ADAMTSL1: variants seen among roughly 807,000 people sequenced by gnomAD.
ADAMTSL1 encodes ADAMTS-like protein 1.
A neutral mutation model predicts 201.8 loss-of-function variants in ADAMTSL1; 126 were observed. The observed-to-expected ratio is 0.62, with a 90% CI of 0.54 to 0.72. The LOEUF is 0.72. ADAMTSL1 is among the 30% of genes least tolerant of loss of function. The pLI, the probability that ADAMTSL1 is intolerant of heterozygous loss-of-function variation, is 0.00. For synonymous variants in ADAMTSL1, 1,121 were observed against 903.4 expected, an observed-to-expected ratio of 1.24 and a Z score of -4.32; for missense variants, 2,679 against 2,277.8, an observed-to-expected ratio of 1.18 and a Z score of -3.59.
intron 1 of ADAMTSL1, among the ~76,000 whole-genome samples, chr9:17,991,521 G>C (rs1819149455): frequency 6.6e-6 from 1 of 152,062 alleles, no homozygotes; most frequent in Non-Finnish European, 1.5e-5. Flanking sequence ...CTCAGACTCA[G>C]AAAAGGCTTT....
upstream of ADAMTSL1, among the ~76,000 whole-genome samples, chr9:18,472,640 C>T (rs751051685): frequency 1.3e-5 from 2 of 152,200 alleles, no homozygotes; most frequent in Admixed American, 1.3e-4. Flanking sequence ...TGTACATAGG[C>T]AGACCTGCCT....
intron 2 of ADAMTSL1, among the ~76,000 whole-genome samples, chr9:18,215,993 G>A (rs1041853246): frequency 1.3e-5 from 2 of 152,166 alleles, no homozygotes; most frequent in Non-Finnish European, 2.9e-5. Flanking sequence ...GATTAGGAAA[G>A]ATTCTGTGAA....
chr9:18,510,113 T>C (rs1817943566), intron 2 of ADAMTSL1, among the ~76,000 whole-genome samples: 1 of 152,208 alleles, frequency 6.6e-6, no homozygotes, highest in Non-Finnish European at 1.5e-5. Context: ...TTTCTAGCTC[T>C]AGTAATATGA....
chr9:18,711,488 C>T (rs1050578781), intron 14 of ADAMTSL1, among the ~76,000 whole-genome samples: 3 of 144,504 alleles, frequency 2.1e-5, no homozygotes, highest in South Asian at 2.2e-4. Context: ...GGGTGACAGA[C>T]GGCACCTGGA....
At chr9:18,396,384 T>G (rs1482274340) in intron 2 of ADAMTSL1, among the ~76,000 whole-genome samples, 6 of 151,910 alleles carry the variant, frequency 3.9e-5, no homozygotes, top group Non-Finnish European at 1.5e-5. Context: ...CTAAGTCTCT[T>G]GTGCTGCAGT....
Position 18,622,259 on chromosome 9 carries a change from A to G in ADAMTSL1, c.491A>G (p.His164Arg), listed in dbSNP as rs756507789. ...SGLCQIVGCD[H>R]QLGSTVKEDN... The stretch of plus-strand genomic sequence containing the variant: ...TCTTGTTAGATTGTTGGCTGCGATC[A>G]CCAGCTGGGAAGCACCGTCAAGGAA... Residue 164 changes from histidine to arginine, a missense_variant, in exon 5 of 29, where the codon CAC (histidine) becomes CGC (arginine). Transcript: ENST00000380548. 1.2e-5 allele frequency: 19 copies of G among 1,613,724 alleles called. No individual in the cohort carries two copies. The highest frequency in any genetic ancestry group is 1.6e-5 in the Non-Finnish European group (19 of 1,179,898).
chr9:18,753,393 T>G lies in ADAMTSL1; in HGVS notation c.2102T>G (p.Met701Arg). ...TGCAGCCACCTGCTTTCCAGAGAGATGAATGAAACAGTCATCCTGGCTGAT... is the reference window on the plus strand; with the variant it reads ...TGCAGCCACCTGCTTTCCAGAGAGAGGAATGAAACAGTCATCCTGGCTGAT... The part of the protein sequence containing the change: ...VFCSHLLSRE[M>R]NETVILADEL... The change falls in exon 16 of 29, where the codon ATG becomes AGG. Residue 701 changes from methionine (M) to arginine (R), a missense_variant. Transcript: ENST00000380548. 6.2e-7 allele frequency: 1 copy of G among 1,613,050 alleles called. No individual in the cohort carries two copies. Among genetic ancestry groups the G allele is most frequent in the Non-Finnish European group, 8.5e-7 (1 of 1,179,576 alleles).
At chr9:18,052,546 C>A (rs1470049097) in intron 1 of ADAMTSL1, among the ~76,000 whole-genome samples, 1 of 152,174 alleles carries the variant, frequency 6.6e-6, no homozygotes, top group Non-Finnish European at 1.5e-5. Flanking sequence ...CTAGACTTTG[C>A]TTGGCAGCTC....
chr9:18,502,200 G>A (rs1822879264), intron 1 of ADAMTSL1, among the ~76,000 whole-genome samples: 1 of 152,184 alleles, frequency 6.6e-6, no homozygotes, highest in Non-Finnish European at 1.5e-5. Context: ...TTTTGCAGTT[G>A]TAGTAACGGA....
At chr9:18,688,449 A>G (rs1390456780) in intron 13 of ADAMTSL1, among the ~76,000 whole-genome samples, 1 of 150,532 alleles carries the variant, frequency 6.6e-6, no homozygotes, top group Non-Finnish European at 1.5e-5. Flanking sequence ...CTAGGTATGT[A>G]CAACATGAGG....
chr9:18,204,386 C>G (rs1829565695), intron 2 of ADAMTSL1, among the ~76,000 whole-genome samples: 2 of 152,176 alleles, frequency 1.3e-5, no homozygotes, highest in East Asian at 1.9e-4. Context: ...GCCTTACTTC[C>G]ACTTTGCCTT....
chr9:18,140,705 C>T (rs1041582216), intron 1 of ADAMTSL1, among the ~76,000 whole-genome samples: 4 of 152,118 alleles, frequency 2.6e-5, no homozygotes, highest in African/African-American at 9.7e-5. Context: ...GGGAGCATGC[C>T]TGAAATCCAA....
chr9:18,100,592 C>T (rs1271744255), intron 1 of ADAMTSL1, among the ~76,000 whole-genome samples: 3 of 152,278 alleles, frequency 2.0e-5, no homozygotes, highest in South Asian at 2.1e-4. Context: ...TATTCCCCTC[C>T]CCTATTTTTT....
intron 20 of ADAMTSL1, among the ~76,000 whole-genome samples, chr9:18,799,292 T>C (rs1054656864): frequency 6.6e-6 from 1 of 152,174 alleles, no homozygotes; most frequent in Non-Finnish European, 1.5e-5. Context: ...CAGGGCTAGG[T>C]AAAGGAGAGT....
intron 19 of ADAMTSL1, among the ~76,000 whole-genome samples, chr9:18,780,796 A>T (rs1047490564): frequency 2.7e-4 from 41 of 152,190 alleles, no homozygotes; most frequent in Non-Finnish European, 8.8e-5. Flanking sequence ...TGTTTTCATA[A>T]TAGTAGGTAG....
chr9:17,908,076 G>C (rs1179451265), intron 1 of ADAMTSL1, among the ~76,000 whole-genome samples: 1 of 152,126 alleles, frequency 6.6e-6, no homozygotes, highest in Non-Finnish European at 1.5e-5. Flanking sequence ...CACTTCTAGA[G>C]GCTGAGAGAG....
intron 26 of ADAMTSL1, among the ~76,000 whole-genome samples, chr9:18,895,100 A>G (rs1251571551): frequency 6.6e-6 from 1 of 152,238 alleles, no homozygotes; most frequent in Admixed American, 6.5e-5. Flanking sequence ...TGGCAGTTTC[A>G]GTGTAAAAGT....
chr9:18,270,184 G>T (rs893547303), intron 2 of ADAMTSL1, among the ~76,000 whole-genome samples: 1 of 152,206 alleles, frequency 6.6e-6, no homozygotes, highest in South Asian at 2.1e-4. Flanking sequence ...CCACTTCCTG[G>T]CTCATAGATG....
chr9:17,975,517 C>A (rs1818410502), intron 1 of ADAMTSL1, among the ~76,000 whole-genome samples: 2 of 152,040 alleles, frequency 1.3e-5, no homozygotes, highest in Non-Finnish European at 2.9e-5. Context: ...GCCTAATCAT[C>A]TCCCAAAGGC....
Sources: gnomAD v4.1 joint callset for allele counts (sites outside exome capture counted in the v4.1 genomes callset) on GRCh38, gnomAD v4.1.1 for gene constraint, MANE v1.5 for transcripts, NCBI Gene and HGNC (gene_info 2026-07-23, HGNC 2026-07-21) for gene names.